Variants in XNDC1N observed in about 807,000 individuals in gnomAD.
XNDC1N encodes the protein XRCC1 N-terminal domain containing 1, N-terminal like, also known as protein XNDC1N.
the XNDC1N span, among the ~76,000 whole-genome samples, chr11:71,906,703 A>G: frequency 6.6e-6 from 1 of 152,188 alleles, no homozygotes; most frequent in South Asian, 2.1e-4. Flanking sequence ...CCTGTGATTT[A>G]CGAGTAACAT....
chr11:71,923,469 A>AT, the XNDC1N span: 2 of 654,634 alleles, frequency 3.1e-6, no homozygotes, highest in East Asian at 5.5e-5. Context: ...GAATCCTCAC[A>AT]TTACTCCTGA....
the XNDC1N span, among the ~76,000 whole-genome samples, chr11:71,898,253 C>T: frequency 2.6e-5 from 4 of 151,800 alleles, no homozygotes; most frequent in East Asian, 7.7e-4. Flanking sequence ...ACTTCTGACG[C>T]AGGCCGCAAC....
At chr11:71,870,357 T>C in the XNDC1N span, among the ~76,000 whole-genome samples, 1 of 152,282 alleles carries the variant, frequency 6.6e-6, no homozygotes, top group East Asian at 1.9e-4. Flanking sequence ...GCTCAGCTCA[T>C]TACTCCGGGG....
chr11:71,889,297 G>A, the XNDC1N span, among the ~76,000 whole-genome samples: 1 of 152,224 alleles, frequency 6.6e-6, no homozygotes, highest in Non-Finnish European at 1.5e-5. Context: ...GAAGCAGTAT[G>A]GAAACCCCAC....
chr11:71,906,035 A>G, the XNDC1N span, among the ~76,000 whole-genome samples: 1 of 151,996 alleles, frequency 6.6e-6, no homozygotes, highest in Admixed American at 6.6e-5. Flanking sequence ...TCCCCCCACA[A>G]TATTACTAAT....
chr11:71,924,545 G>C, the XNDC1N span, among the ~76,000 whole-genome samples: 4 of 152,130 alleles, frequency 2.6e-5, no homozygotes, highest in Non-Finnish European at 4.4e-5. Flanking sequence ...TGGCGTGGTG[G>C]TGGGCGCCTG....
chr11:71,922,100 T>C, the XNDC1N span, among the ~76,000 whole-genome samples: 570 of 151,330 alleles, frequency 3.8e-3, 4 homozygotes, highest in African/African-American at 0.013. Flanking sequence ...GCAGAGGTTG[T>C]GGTGAGCCGA....
At chr11:71,898,035 T>C in the XNDC1N span, among the ~76,000 whole-genome samples, 2 of 151,796 alleles carry the variant, frequency 1.3e-5, no homozygotes, top group Admixed American at 1.3e-4. Flanking sequence ...ATGCAAAAAA[T>C]GAAACGAGCG....
At chr11:71,909,624 C>T in the XNDC1N span, among the ~76,000 whole-genome samples, 363 of 152,228 alleles carry the variant, frequency 2.4e-3, no homozygotes, top group Middle Eastern at 0.01. Flanking sequence ...TTGTAGATAG[C>T]GGTGCTGAAC....
chr11:71,928,401 G>T, the XNDC1N span: 1 of 690,672 alleles, frequency 1.4e-6, no homozygotes, highest in East Asian at 2.7e-5. Context: ...CCGTTGCCTC[G>T]GATCTCGGAC....
the XNDC1N span, among the ~76,000 whole-genome samples, chr11:71,897,951 G>A: frequency 6.6e-6 from 1 of 152,178 alleles, no homozygotes; most frequent in Non-Finnish European, 1.5e-5. Flanking sequence ...GGAAGACCGA[G>A]GTGGGCGGAT....
the XNDC1N span, among the ~76,000 whole-genome samples, chr11:71,874,740 G>T: frequency 6.6e-6 from 1 of 152,184 alleles, no homozygotes; most frequent in South Asian, 2.1e-4. Flanking sequence ...ATCAACTCAA[G>T]TGCAGAAAGA....
At chr11:71,900,170 C>T in the XNDC1N span, among the ~76,000 whole-genome samples, 1 of 152,218 alleles carries the variant, frequency 6.6e-6, no homozygotes, top group Non-Finnish European at 1.5e-5. Context: ...CTACTACATT[C>T]GTTTTTGCTA....
At chr11:71,912,146 C>T in the XNDC1N span, among the ~76,000 whole-genome samples, 1 of 152,172 alleles carries the variant, frequency 6.6e-6, no homozygotes, top group Admixed American at 6.5e-5. Context: ...GGTGAGGCAG[C>T]GGTGTGTTAC....
the XNDC1N span, among the ~76,000 whole-genome samples, chr11:71,870,501 T>C: frequency 0.19 from 28,436 of 152,058 alleles, 4,874 homozygotes; most frequent in African/African-American, 0.45. Flanking sequence ...AAGTTCTAAC[T>C]GCAAAAGCAC....
chr11:71,891,531 T>C, the XNDC1N span, among the ~76,000 whole-genome samples: 1 of 151,992 alleles, frequency 6.6e-6, no homozygotes, highest in Non-Finnish European at 1.5e-5. Flanking sequence ...CGACATTGGA[T>C]GTAATATGAT....
the XNDC1N span, among the ~76,000 whole-genome samples, chr11:71,913,036 G>A: frequency 5.8e-3 from 877 of 152,188 alleles, 33 homozygotes; most frequent in Admixed American, 0.053. Flanking sequence ...CATTCCCTGC[G>A]ATATTCAACG....
At chr11:71,908,556 A>G in the XNDC1N span, among the ~76,000 whole-genome samples, 4 of 152,078 alleles carry the variant, frequency 2.6e-5, no homozygotes, top group East Asian at 1.9e-4. Context: ...GAGAGCAGCG[A>G]TATACTGGGT....
chr11:71,899,042 T>A, the XNDC1N span, among the ~76,000 whole-genome samples: 1 of 152,316 alleles, frequency 6.6e-6, no homozygotes, highest in African/African-American at 2.4e-5. Flanking sequence ...GCCCCAAATC[T>A]TCTATGGACA....
Sources: allele counts gnomAD v4.1 joint callset (sites outside exome capture counted in the v4.1 genomes callset), GRCh38; gene constraint gnomAD v4.1.1; transcripts MANE v1.5; gene names NCBI Gene and HGNC (gene_info 2026-07-23, HGNC 2026-07-21).